PHC2: variants seen among roughly 807,000 people sequenced by gnomAD.
PHC2 encodes the protein polyhomeotic homolog 2, also known as polyhomeotic-like protein 2.
In PHC2, 29 loss-of-function variants were observed where a neutral mutation model predicts 87.4. The observed-to-expected ratio is 0.33, with a 90% CI of 0.25 to 0.45. PHC2 has a LOEUF of 0.45. Ranked by LOEUF, PHC2 falls within the 20% of genes least tolerant of loss-of-function variation. The pLI is 1.00. For synonymous variants in PHC2, 438 were observed against 461.7 expected (o/e 0.95, Z 0.66); for missense variants, 857 against 1,136.7 (o/e 0.75, Z 3.54).
chr1:33,332,610 T>C lies in PHC2; in HGVS notation c.1762-206A>G, dbSNP rs945567340. 1.1e-4 allele frequency: 62 copies of C among 578,170 alleles called. No individual in the cohort carries two copies. Among genetic ancestry groups the C allele is most frequent in the Non-Finnish European group, 1.7e-4 (56 of 323,912 alleles). 35.8% of individuals were successfully genotyped at this position (578,170 alleles called of 1,614,324 possible). On this transcript the variant is annotated intron_variant, in intron 10 of 14. Coordinates refer to ENST00000683057, the MANE Select transcript of PHC2 (RefSeq NM_001385109.1). This position sits in a 1 kb window ranked among gnomAD's most constrained non-coding sequence, Gnocchi z 4.2. ...CGAGGTAAGATGCTAATGGGCAAAG[T>C]ACAGGGATGGCTTCTGTCCAGGACC...
chr1:33,375,315 A>G, intron 2 of PHC2, 51 bp downstream of exon 2: 1 of 1,389,774 alleles, frequency 7.2e-7, no homozygotes, highest in South Asian at 1.6e-5. Flanking sequence ...CCTCCTTGCT[A>G]GCCCTGGAGA....
chr1:33,336,588 T>C (rs1313622107), intron 9 of PHC2: 3 of 152,244 alleles, frequency 2.0e-5, no homozygotes, highest in African/African-American at 7.2e-5. Flanking sequence ...ATTTCCTTTC[T>C]TTTAGAATTA....
At chr1:33,326,654 T>C (rs1411663778) in intron 14 of PHC2, among the ~76,000 whole-genome samples, 4 of 152,202 alleles carry the variant, frequency 2.6e-5, no homozygotes, top group Non-Finnish European at 5.9e-5. Context: ...GAATTACTGA[T>C]TTTAAGAGTC....
At position 33,354,886 on chromosome 1, in the gene PHC2, G is replaced by A; in HGVS notation, c.1344C>T (p.Phe448=). 1 of 1,614,204 alleles carries A rather than the reference G, an allele frequency of 6.2e-7. No individual in the cohort carries two copies. Among genetic ancestry groups the A allele is most frequent in the Non-Finnish European group, 8.5e-7 (1 of 1,180,046 alleles). Reference sequence around the variant, plus strand: ...GTAAGATGACAGCTGAAGTGTGCTGGAACCTGCGTTGAGGGGTGTGGGGCA... The same window carrying A: ...GTAAGATGACAGCTGAAGTGTGCTGAAACCTGCGTTGAGGGGTGTGGGGCA... ...EGVPHTPQRR[F]QHTSAVILQL... is the part of the protein sequence containing the mutation. Residue 448 remains phenylalanine, a synonymous_variant, in exon 8 of 15, where the codon TTC becomes TTT. Transcript: ENST00000683057.
rs758051039 is a variant in PHC2, at chr1:33,364,408, A to ACACACG, written c.976+2707_976+2708insCGTGTG. ...CTTGCTTTCACACACACACACACAC[A>ACACACG]CACACACACACACACACGCTCAAGC... On this transcript the variant is annotated intron_variant, in intron 7 of 14. Coordinates refer to ENST00000683057, the MANE Select transcript of PHC2 (RefSeq NM_001385109.1). This position sits in a 1 kb window ranked among gnomAD's most constrained non-coding sequence, Gnocchi z 4.1. Among the ~76,000 whole-genome samples the ACACACG allele has an allele frequency of 0.022, 2,551 of 113,692 alleles. 41 individuals carry two copies. The highest frequency in any genetic ancestry group is 0.033 in the Middle Eastern group (8 of 244). The allele number at this position is 113,692 out of a possible 152,430, so 74.6% of individuals were successfully genotyped here. A position where few individuals can be genotyped will look rare whatever the true frequency, so the allele number is the denominator to read the frequency against.
chr1:33,409,555 C>T (rs1198891564), intron 1 of PHC2, among the ~76,000 whole-genome samples: 2 of 152,140 alleles, frequency 1.3e-5, no homozygotes, highest in South Asian at 2.1e-4. Flanking sequence ...AAAATATATA[C>T]TTTTGTAATA....
At chr1:33,411,525 T>G (rs1649981113) in intron 1 of PHC2, among the ~76,000 whole-genome samples, 2 of 152,152 alleles carry the variant, frequency 1.3e-5, no homozygotes, top group Non-Finnish European at 2.9e-5. Flanking sequence ...AATCAGCATA[T>G]TAATAAAGAA....
intron 7 of PHC2, among the ~76,000 whole-genome samples, chr1:33,357,707 C>T (rs1647117324): frequency 6.6e-6 from 1 of 152,188 alleles, no homozygotes; most frequent in South Asian, 2.1e-4. Flanking sequence ...CGGAATTTAA[C>T]AATCAGGCAC....
chr1:33,377,065 A>C (rs918933280), intron 1 of PHC2, among the ~76,000 whole-genome samples: 1 of 152,216 alleles, frequency 6.6e-6, no homozygotes, highest in African/African-American at 2.4e-5. Context: ...ATACTGACCA[A>C]TCTGGTTAAA....
chr1:33,409,589 A>G (rs1295826323), intron 1 of PHC2, among the ~76,000 whole-genome samples: 9 of 152,222 alleles, frequency 5.9e-5, no homozygotes, highest in Admixed American at 5.2e-4. Flanking sequence ...TTATTAAAAA[A>G]TAAACTAGAG....
rs1056412222 is a variant in PHC2 at position 33,334,903 on chromosome 1, T to C, written c.1559-611A>G. Among the ~76,000 whole-genome samples the C allele has an allele frequency of 3.3e-5, 5 of 152,322 alleles. No individual in the cohort carries two copies. Among genetic ancestry groups the C allele is most frequent in the African/African-American group, 1.2e-4 (5 of 41,562 alleles). ...AGACTGGTCATCTGGGGTCAGTGCA[T>C]TGAAATATGCAGAAATTCCATTTCT... On this transcript the variant is annotated intron_variant, in intron 9 of 14. Transcript: ENST00000683057. This position sits in a 1 kb window ranked among gnomAD's most constrained non-coding sequence, Gnocchi z 5.5.
Position 33,326,846 on chromosome 1 carries a change from A to G in PHC2, c.2426-1827T>C, listed in dbSNP as rs149464903. 3.5e-3 allele frequency among the ~76,000 whole-genome samples: 531 copies of G among 152,188 alleles called. 3 individuals carry two copies. Among genetic ancestry groups the G allele is most frequent in the African/African-American group, 9.5e-3 (395 of 41,528 alleles). On this transcript the variant is annotated intron_variant, in intron 14 of 14. Transcript: ENST00000683057. ...GAATGTCTGTAATCCCAGCTACTCAAGAGGCTGAGGCAGAATTGCTTGAAC... is the reference window on the plus strand; with the variant it reads ...GAATGTCTGTAATCCCAGCTACTCAGGAGGCTGAGGCAGAATTGCTTGAAC...
chr1:33,330,325 G>T, intron 12 of PHC2, 113 bp from the exon 13 acceptor site: 1 of 1,103,546 alleles, frequency 9.1e-7, no homozygotes, highest in Non-Finnish European at 1.3e-6. Context: ...TATTGGTTCA[G>T]ATCCTAACTC....
At chr1:33,326,913 C>T (rs1305797267) in intron 14 of PHC2, among the ~76,000 whole-genome samples, 1 of 152,168 alleles carries the variant, frequency 6.6e-6, no homozygotes, top group East Asian at 1.9e-4. Context: ...CACGCCATTG[C>T]ACAATAGCCT....
intron 7 of PHC2, among the ~76,000 whole-genome samples, chr1:33,356,421 T>C (rs1647087334): frequency 1.3e-5 from 2 of 151,262 alleles, no homozygotes; most frequent in Admixed American, 6.6e-5. Flanking sequence ...CTGGTTTTCC[T>C]AGGCAGAGGA....
At chr1:33,424,760 A>G (rs1454358372) in intron 1 of PHC2, among the ~76,000 whole-genome samples, 1 of 152,216 alleles carries the variant, frequency 6.6e-6, no homozygotes, top group Non-Finnish European at 1.5e-5. Flanking sequence ...ATTATTAGTT[A>G]GGACGATCAA....
intron 9 of PHC2, among the ~76,000 whole-genome samples, chr1:33,338,151 C>T (rs1476539723): frequency 1.3e-5 from 2 of 152,326 alleles, no homozygotes; most frequent in Non-Finnish European, 2.9e-5. Flanking sequence ...ATGTTCACTG[C>T]AAGACAGAAG....
At chr1:33,365,103 C>G (rs1050679527) in intron 7 of PHC2, among the ~76,000 whole-genome samples, 6 of 152,140 alleles carry the variant, frequency 3.9e-5, no homozygotes, top group Non-Finnish European at 7.4e-5. Context: ...AGTCCTGCCA[C>G]TTACTACTTA....
chr1:33,353,482 C>T (rs1647011773), intron 9 of PHC2: 1 of 152,282 alleles, frequency 6.6e-6, no homozygotes, highest in Admixed American at 6.5e-5. Context: ...CCTTCCCATC[C>T]TTTAATTTTC....
Sources: gnomAD v4.1 joint callset for allele counts (sites outside exome capture counted in the v4.1 genomes callset) on GRCh38, gnomAD v4.1.1 for gene constraint, Gnocchi (gnomAD v3.1) non-coding constraint, MANE v1.5 for transcripts, NCBI Gene and HGNC (gene_info 2026-07-23, HGNC 2026-07-21) for gene names.